The following EPS15L1 variants were observed in gnomAD, a reference collection of about 807,000 sequenced individuals.
The protein encoded by EPS15L1 is epidermal growth factor receptor substrate 15-like 1.
In EPS15L1, 43 loss-of-function variants were observed where a neutral mutation model predicts 117.1. That is an observed-to-expected ratio of 0.37 (90% confidence interval 0.29 to 0.47). The LOEUF (loss-of-function observed/expected upper bound fraction) is 0.47. Ranked by LOEUF, EPS15L1 falls within the 20% of genes least tolerant of loss-of-function variation. The probability of loss-of-function intolerance (pLI) is 0.99; values close to 1 mark genes in which losing one functional copy is unlikely to be tolerated. For synonymous variants in EPS15L1, 459 were observed against 470.5 expected, an observed-to-expected ratio of 0.98 and a Z score of 0.32; for missense variants, 981 against 1,164.0, an observed-to-expected ratio of 0.84 and a Z score of 2.29.
Position 16,404,551 on chromosome 19 carries a change from T to C in EPS15L1, c.1428+37A>G, listed in dbSNP as rs199553377. 1.2e-6 allele frequency: 2 copies of C among 1,611,310 alleles called. No homozygotes were observed. The highest frequency in any genetic ancestry group is 1.7e-6 in the Non-Finnish European group (2 of 1,178,386). On this transcript the variant is annotated intron_variant, in intron 14 of 23. Coordinates refer to ENST00000455140, the MANE Select transcript of EPS15L1 (RefSeq NM_001258374.3). This position sits in a 1 kb window ranked among gnomAD's most constrained non-coding sequence, Gnocchi z 4.2. ...GGAGTCCTTGGGAAGCCCCTGCCTG[T>C]GCATAGGGCGCTGCCCCGGAGGTGG...
chr19:16,437,352 C>A lies in EPS15L1; in HGVS notation c.310-353G>T, dbSNP rs903245611. On this transcript the variant is annotated intron_variant, in intron 5 of 23. Coordinates refer to ENST00000455140, the MANE Select transcript of EPS15L1 (RefSeq NM_001258374.3). ...TGATCCATTCTACAACATGGATGAA[C>A]CCTGAAAACACGATGCTGAGAGAGA... is the stretch of plus-strand genomic sequence containing the variant. Among the ~76,000 whole-genome samples the A allele has an allele frequency of 4.6e-5, 7 of 152,254 alleles. No individual in the cohort carries two copies. In the East Asian group the frequency reaches 1.3e-3, roughly 29 times the overall value.
At chr19:16,407,462 C>T (rs182518063) in intron 13 of EPS15L1, among the ~76,000 whole-genome samples, 6 of 152,246 alleles carry the variant, frequency 3.9e-5, no homozygotes, top group East Asian at 1.9e-4. Flanking sequence ...CACGCCACCA[C>T]GCCCAGTTGC....
At chr19:16,379,055 G>A (rs2092330710) in intron 21 of EPS15L1, among the ~76,000 whole-genome samples, 1 of 152,200 alleles carries the variant, frequency 6.6e-6, no homozygotes, top group African/African-American at 2.4e-5. Flanking sequence ...TGTAATCCCA[G>A]CACTTTGGGA....
chr19:16,392,367 T>C lies in EPS15L1; in HGVS notation c.2040A>G (p.Lys680=). 6.2e-7 allele frequency: 1 copy of C among 1,614,198 alleles called. No homozygotes were observed. Among genetic ancestry groups the C allele is most frequent in the Non-Finnish European group, 8.5e-7 (1 of 1,180,004 alleles). ...AGGTAAATGGGTCATTCTTTGTCTG[T>C]TTCTTGAAGAAGTCGTCAGTGGCAG... ...RGSATDDFFK[K]QTKNDPFTSD... Residue 680 remains lysine (K), a synonymous_variant, in exon 19 of 24, where the codon AAA becomes AAG. Transcript: ENST00000455140.
In EPS15L1 at chr19:16,383,685, G is replaced by A. The variant is rs1001567380; in HGVS notation, c.2247+1444C>T. 5.2e-5 allele frequency: 8 copies of A among 152,408 alleles called. No homozygotes were observed. Among genetic ancestry groups the A allele is most frequent in the Admixed American group, 4.6e-4 (7 of 15,308 alleles). 9.4% of individuals were successfully genotyped at this position (152,408 alleles called of 1,614,324 possible). On this transcript the variant is annotated intron_variant, in intron 21 of 23. Coordinates refer to ENST00000455140, the MANE Select transcript of EPS15L1 (RefSeq NM_001258374.3). This position sits in a 1 kb window ranked among gnomAD's most constrained non-coding sequence, Gnocchi z 5.2. ...GCCTCGGTCAGAAGTGGGATCTGCTGCGCCGCCAGGGCACGCACACACGCG... is the reference window on the plus strand; with the variant it reads ...GCCTCGGTCAGAAGTGGGATCTGCTACGCCGCCAGGGCACGCACACACGCG...
chr19:16,429,397 G>A (rs912591912), intron 7 of EPS15L1, among the ~76,000 whole-genome samples: 5 of 152,200 alleles, frequency 3.3e-5, no homozygotes, highest in African/African-American at 1.2e-4. Context: ...GGCCAACGCT[G>A]GGCAGGCTGC....
chr19:16,436,336 T>C lies in EPS15L1; in HGVS notation c.372+601A>G, dbSNP rs114626355. ...ACTTGGAGGGACCATGCTCACTTCC[T>C]TTAGAAGGAATTCTGTACTTAGAAG... is the stretch of plus-strand genomic sequence containing the variant. On this transcript the variant is annotated intron_variant, in intron 6 of 23. Transcript: ENST00000455140. Among the ~76,000 whole-genome samples the C allele has an allele frequency of 5.2e-3, 790 of 152,342 alleles. 10 individuals carry two copies. The highest frequency in any genetic ancestry group is 0.018 in the African/African-American group (740 of 41,580).
chr19:16,446,633 A>T (rs1212953426), intron 1 of EPS15L1, among the ~76,000 whole-genome samples: 1 of 152,194 alleles, frequency 6.6e-6, no homozygotes, highest in Non-Finnish European at 1.5e-5. Flanking sequence ...TGAAGCACCC[A>T]GGATAGGTGG....
intron 15 of EPS15L1, among the ~76,000 whole-genome samples, 199 bp from the exon 16 acceptor site, chr19:16,402,684 G>A (rs1321870837): frequency 1.3e-5 from 2 of 150,836 alleles, no homozygotes; most frequent in South Asian, 4.3e-4. Flanking sequence ...TGGGACTACA[G>A]GTGCGTGTCA....
At chr19:16,433,974 A>AATAT (rs2092954406) in intron 7 of EPS15L1, among the ~76,000 whole-genome samples, 1 of 151,448 alleles carries the variant, frequency 6.6e-6, no homozygotes. Flanking sequence ...TAAATAAATA[A>AATAT]ATAAATAAAT....
At chr19:16,372,669 C>T (rs2092241701) in intron 22 of EPS15L1, among the ~76,000 whole-genome samples, 1 of 152,228 alleles carries the variant, frequency 6.6e-6, no homozygotes, top group Admixed American at 6.5e-5. Flanking sequence ...CAGAAGCCTG[C>T]GTCCCGGTCC....
chr19:16,414,568 T>A (rs2092739479), intron 12 of EPS15L1, among the ~76,000 whole-genome samples: 1 of 152,056 alleles, frequency 6.6e-6, no homozygotes, highest in Non-Finnish European at 1.5e-5. Flanking sequence ...GCCCAGCTAA[T>A]TTTTGTATTT....
chr19:16,367,571 T>C (rs1165326183), intron 22 of EPS15L1, among the ~76,000 whole-genome samples: 1 of 144,260 alleles, frequency 6.9e-6, no homozygotes, highest in Non-Finnish European at 1.5e-5. Context: ...TTAATTCTCC[T>C]ATTTCTCAAG....
At chr19:16,422,516 G>A (rs938573391) in intron 9 of EPS15L1, among the ~76,000 whole-genome samples, 8 of 152,072 alleles carry the variant, frequency 5.3e-5, no homozygotes, top group Non-Finnish European at 1.2e-4. Context: ...AGGGAGTGGA[G>A]AGAAAAAGGA....
chr19:16,374,646 C>G (rs74618372), intron 22 of EPS15L1, among the ~76,000 whole-genome samples: 1 of 152,160 alleles, frequency 6.6e-6, no homozygotes, highest in East Asian at 1.9e-4. Flanking sequence ...GGTTTAGGTA[C>G]GTGGGGAGGC....
chr19:16,356,177 A>G (rs1229914409), intron 23 of EPS15L1, among the ~76,000 whole-genome samples: 5 of 152,270 alleles, frequency 3.3e-5, no homozygotes, highest in African/African-American at 1.2e-4. Flanking sequence ...AGAGGTGCAA[A>G]GATGGGGAAC....
intron 6 of EPS15L1, 170 bp downstream of exon 6, chr19:16,436,767 C>T: frequency 1.8e-6 from 1 of 540,724 alleles, no homozygotes; most frequent in East Asian, 3.0e-5. Flanking sequence ...AGAGGCGTTT[C>T]ATCCAAGTGC....
At chr19:16,430,739 G>A (rs1170730608) in intron 7 of EPS15L1, among the ~76,000 whole-genome samples, 5 of 152,248 alleles carry the variant, frequency 3.3e-5, no homozygotes, top group African/African-American at 1.2e-4. Flanking sequence ...GTGCCTGGAT[G>A]CACAGATGGA....
chr19:16,465,749 T>G (rs1387435899), intron 1 of EPS15L1, among the ~76,000 whole-genome samples: 1 of 152,074 alleles, frequency 6.6e-6, no homozygotes, highest in African/African-American at 2.4e-5. Context: ...GAGATGAGAT[T>G]AAAGTAATAA....
Sources: allele counts gnomAD v4.1 joint callset (sites outside exome capture counted in the v4.1 genomes callset), GRCh38; gene constraint gnomAD v4.1.1; non-coding constraint Gnocchi (gnomAD v3.1); transcripts MANE v1.5; gene names NCBI Gene and HGNC (gene_info 2026-07-23, HGNC 2026-07-21).